Variants in KAZN observed in about 807,000 individuals in gnomAD.
KAZN encodes kazrin.
KAZN carries 40 observed loss-of-function variants against 87.4 expected under a neutral mutation model. That is an observed-to-expected ratio of 0.46 (90% CI 0.36 to 0.60). The LOEUF (loss-of-function observed/expected upper bound fraction) is 0.60. Ranked by LOEUF, KAZN falls within the 20% of genes least tolerant of loss-of-function variation. KAZN has a pLI of 0.00. For missense variants in KAZN, 898 were observed against 1,073.9 expected (o/e 0.84, Z 2.29); for synonymous variants, 466 against 458.3 (o/e 1.02, Z -0.22).
intron 1 of KAZN, among the ~76,000 whole-genome samples, chr1:14,916,170 C>CTTTTTTTTTTTTTT (rs71307000): frequency 6.2e-5 from 7 of 113,596 alleles, no homozygotes; most frequent in African/African-American, 1.4e-4. Flanking sequence ...CACTGTTGTT[C>CTTTTTTTTTTTTTT]TTTTTTTTTT....
intron 2 of KAZN, among the ~76,000 whole-genome samples, chr1:14,417,182 TAAAA>T (rs59936555): frequency 7.5e-6 from 1 of 133,250 alleles, no homozygotes; most frequent in Non-Finnish European, 1.6e-5. Context: ...TGTCTCAAAA[TAAAA>T]AAAAAAAAAG....
chr1:14,506,999 C>T (rs562966227), intron 2 of KAZN, among the ~76,000 whole-genome samples: 1 of 152,290 alleles, frequency 6.6e-6, no homozygotes, highest in East Asian at 1.9e-4. Context: ...GTGGTGCATC[C>T]GCATAAATTA....
chr1:14,998,614 T>A (rs1298631581), intron 2 of KAZN, among the ~76,000 whole-genome samples: 1 of 152,158 alleles, frequency 6.6e-6, no homozygotes, highest in Non-Finnish European at 1.5e-5. Context: ...AGTGGTGCCA[T>A]CTCAGCTCAC....
At chr1:13,930,882 T>C (rs1219658814) in intron 1 of KAZN, among the ~76,000 whole-genome samples, 1 of 152,176 alleles carries the variant, frequency 6.6e-6, no homozygotes, top group East Asian at 1.9e-4. Flanking sequence ...CCAGTGGTCC[T>C]TAGGGGGTCC....
chr1:14,847,979 CA>C (rs1179626519), intron 1 of KAZN, among the ~76,000 whole-genome samples: 1 of 151,662 alleles, frequency 6.6e-6, no homozygotes, highest in South Asian at 2.1e-4. Context: ...GATTCTGTCT[CA>C]AAAACAAAAA....
intron 1 of KAZN, among the ~76,000 whole-genome samples, chr1:14,853,332 G>C (rs1649687074): frequency 6.6e-6 from 1 of 152,176 alleles, no homozygotes; most frequent in Non-Finnish European, 1.5e-5. Context: ...GGACAGAGGA[G>C]ACTTGAAGAG....
chr1:14,078,290 C>T (rs1180463167), intron 1 of KAZN, among the ~76,000 whole-genome samples: 2 of 152,150 alleles, frequency 1.3e-5, no homozygotes, highest in Non-Finnish European at 2.9e-5. Flanking sequence ...TGAGTGTCTG[C>T]TTATCCCGCT....
At chr1:14,952,384 G>C (rs1662602507) in intron 1 of KAZN, among the ~76,000 whole-genome samples, 2 of 152,060 alleles carry the variant, frequency 1.3e-5, no homozygotes, top group Admixed American at 6.6e-5. Context: ...ACGGGGGCCT[G>C]CTGGAGAATA....
chr1:15,087,336 ATTCTT>A (rs1468708322), intron 8 of KAZN, among the ~76,000 whole-genome samples: 1 of 135,934 alleles, frequency 7.4e-6, no homozygotes, highest in Non-Finnish European at 1.5e-5. Context: ...AATAATTTAC[ATTCTT>A]TTTTTTTTCT....
intron 1 of KAZN, among the ~76,000 whole-genome samples, chr1:13,913,765 G>A (rs1216448146): frequency 1.3e-5 from 2 of 152,146 alleles, no homozygotes; most frequent in Non-Finnish European, 2.9e-5. Context: ...ATAATTACTT[G>A]GAAGCTTGTT....
At chr1:14,177,119 C>T (rs1204059612) in intron 1 of KAZN, among the ~76,000 whole-genome samples, 1 of 152,100 alleles carries the variant, frequency 6.6e-6, no homozygotes, top group African/African-American at 2.4e-5. Context: ...GATCGAGCCA[C>T]TGCACTCGAG....
chr1:14,189,655 C>T (rs1646383604), intron 2 of KAZN, among the ~76,000 whole-genome samples: 1 of 152,060 alleles, frequency 6.6e-6, no homozygotes. Context: ...TGATAGGGGT[C>T]CATCAAAAGA....
At chr1:14,671,591 C>T (rs1396464858) in intron 1 of KAZN, among the ~76,000 whole-genome samples, 1 of 152,116 alleles carries the variant, frequency 6.6e-6, no homozygotes, top group Admixed American at 6.5e-5. Flanking sequence ...GCTTTTCAGA[C>T]ATTGAGAGAA....
At chr1:14,883,375 GAAA>G (rs1653649115) in intron 1 of KAZN, among the ~76,000 whole-genome samples, 2 of 104,030 alleles carry the variant, frequency 1.9e-5, no homozygotes, top group South Asian at 7.8e-4. Context: ...AAGAAAGAAA[GAAA>G]GAAAGAAAGA....
At chr1:14,915,871 G>GAC (rs1414000599) in intron 1 of KAZN, among the ~76,000 whole-genome samples, 4 of 152,204 alleles carry the variant, frequency 2.6e-5, no homozygotes, top group African/African-American at 9.6e-5. Flanking sequence ...CTCAGTAAAT[G>GAC]ACACCTATTG....
chr1:14,239,245 A>G (rs1293151697), intron 2 of KAZN, among the ~76,000 whole-genome samples: 2 of 152,106 alleles, frequency 1.3e-5, no homozygotes, highest in Non-Finnish European at 2.9e-5. Flanking sequence ...GTCTTCTGCA[A>G]AATTGCAATT....
intron 1 of KAZN, among the ~76,000 whole-genome samples, chr1:14,700,395 C>T (rs1438271559): frequency 2.0e-5 from 3 of 151,806 alleles, no homozygotes; most frequent in East Asian, 3.9e-4. Context: ...CGCTTGAACC[C>T]GGGAGGTGGA....
chr1:14,777,162 T>TG (rs200721779), intron 1 of KAZN, among the ~76,000 whole-genome samples: 3,600 of 93,140 alleles, frequency 0.039, 87 homozygotes, highest in African/African-American at 0.088. Context: ...TAATTTTTTT[T>TG]TTTTTTTGTA....
At chr1:14,910,683 A>T (rs1458952038) in intron 1 of KAZN, among the ~76,000 whole-genome samples, 1 of 152,098 alleles carries the variant, frequency 6.6e-6, no homozygotes, top group East Asian at 1.9e-4. Context: ...AAAATCCCCA[A>T]ACCTACATAC....
Sources: gnomAD v4.1 joint callset for allele counts (sites outside exome capture counted in the v4.1 genomes callset) on GRCh38, gnomAD v4.1.1 for gene constraint, MANE v1.5 for transcripts, NCBI Gene and HGNC (gene_info 2026-07-23, HGNC 2026-07-21) for gene names.